The following PDS5B variants were observed in gnomAD, a reference collection of about 807,000 sequenced individuals.
PDS5B encodes sister chromatid cohesion protein PDS5 homolog B.
In PDS5B, 51 loss-of-function variants were observed where a neutral mutation model predicts 184.1. The ratio of observed to expected loss-of-function variants is 0.28; its 90% CI spans 0.22 to 0.35. The LOEUF (loss-of-function observed/expected upper bound fraction) is 0.35. Among genes scored for constraint, PDS5B ranks in the 10% least tolerant of loss-of-function variants. PDS5B has a pLI of 1.00. For synonymous variants in PDS5B, 566 were observed against 569.2 expected (o/e 0.99, Z 0.08); for missense variants, 1,180 against 1,723.3 (o/e 0.68, Z 5.58).
chr13:32,742,482 C>T (rs1953593888), intron 22 of PDS5B, 109 bp from the exon 23 acceptor site: 1 of 846,670 alleles, frequency 1.2e-6, no homozygotes, highest in Non-Finnish European at 1.8e-6. Context: ...AGAATTTTTT[C>T]TTTTCTTAAA....
At chr13:32,670,376 C>T (rs1329433197) in intron 7 of PDS5B, among the ~76,000 whole-genome samples, 1 of 152,084 alleles carries the variant, frequency 6.6e-6, no homozygotes, top group East Asian at 1.9e-4. Flanking sequence ...AACACCATGT[C>T]TGGTGAATTT....
intron 1 of PDS5B, among the ~76,000 whole-genome samples, chr13:32,592,710 GA>G (rs2057796258): frequency 6.6e-6 from 1 of 152,116 alleles, no homozygotes; most frequent in African/African-American, 2.4e-5. Flanking sequence ...TTTAAGACTT[GA>G]ACATAGGAGC....
At chr13:32,639,211 C>T (rs2140613785) in intron 1 of PDS5B, among the ~76,000 whole-genome samples, 1 of 152,218 alleles carries the variant, frequency 6.6e-6, no homozygotes, top group Non-Finnish European at 1.5e-5. Flanking sequence ...ATTCCAGGGC[C>T]TGGGGCTCCT....
At chr13:32,666,446 A>G (rs778972869) in intron 6 of PDS5B, among the ~76,000 whole-genome samples, 2 of 152,200 alleles carry the variant, frequency 1.3e-5, no homozygotes, top group Middle Eastern at 3.2e-3. Context: ...CAAAATAGCT[A>G]AAAGAGAAGA....
At chr13:32,727,868 T>A (rs1401139425) in intron 19 of PDS5B, among the ~76,000 whole-genome samples, 1 of 150,976 alleles carries the variant, frequency 6.6e-6, no homozygotes, top group Non-Finnish European at 1.5e-5. Context: ...CTTTTTTTTT[T>A]AATCTATTCT....
At chr13:32,704,762 A>G (rs1951959340) in intron 17 of PDS5B, among the ~76,000 whole-genome samples, 1 of 152,234 alleles carries the variant, frequency 6.6e-6, no homozygotes, top group Non-Finnish European at 1.5e-5. Flanking sequence ...TAATTCTTCC[A>G]TATGAGACTT....
At chr13:32,712,870 A>C (rs1952251500) in intron 19 of PDS5B, among the ~76,000 whole-genome samples, 1 of 152,226 alleles carries the variant, frequency 6.6e-6, no homozygotes, top group South Asian at 2.1e-4. Flanking sequence ...TCATGAAGGA[A>C]ATATCTTTTT....
At position 32,775,207 on chromosome 13, in the gene PDS5B, G is replaced by A; in HGVS notation, c.*155G>A. ...CTTACTTTGGTGACCCCATACATTT[G>A]TGGTCACATGCTTTAGCCATACACA... On this transcript the variant is annotated 3_prime_UTR_variant, in exon 35 of 35. Coordinates refer to ENST00000315596, the MANE Select transcript of PDS5B (RefSeq NM_015032.4). The A allele has an allele frequency of 1.6e-6, 1 of 628,210 alleles. No homozygotes were observed. Among genetic ancestry groups the A allele is most frequent in the Non-Finnish European group, 2.8e-6 (1 of 361,932 alleles). 38.9% of individuals were successfully genotyped at this position (628,210 alleles called of 1,614,324 possible). A position where few individuals can be genotyped will look rare whatever the true frequency, so the allele number is the denominator to read the frequency against.
chr13:32,752,278 A>G (rs1157963272), intron 24 of PDS5B, among the ~76,000 whole-genome samples: 1 of 152,152 alleles, frequency 6.6e-6, no homozygotes, highest in African/African-American at 2.4e-5. Flanking sequence ...TGCCTAATTT[A>G]TAAATTAAAC....
intron 21 of PDS5B, among the ~76,000 whole-genome samples, chr13:32,737,240 C>T (rs766258924): frequency 2.2e-4 from 33 of 152,124 alleles, no homozygotes; most frequent in Admixed American, 4.6e-4. Context: ...GTTAAGCTAT[C>T]GTCAGATCAC....
rs75862797 is a variant in PDS5B at position 32,674,511 on chromosome 13, A to G, written c.846+1155A>G. Among the ~76,000 whole-genome samples, 931 of 152,176 alleles carry G rather than the reference A, an allele frequency of 6.1e-3. 17 individuals carry two copies. The highest frequency in any genetic ancestry group is 0.022 in the African/African-American group (898 of 41,506). ...CACACCTCTAATTATTTGTTGGTTTATATGATTTTCTGAAGTAAAAATATT... is the reference window on the plus strand; with the variant it reads ...CACACCTCTAATTATTTGTTGGTTTGTATGATTTTCTGAAGTAAAAATATT... On this transcript the variant is annotated intron_variant, in intron 8 of 34. Coordinates refer to ENST00000315596, the MANE Select transcript of PDS5B (RefSeq NM_015032.4).
At chr13:32,630,708 C>A (rs1389331607) in intron 1 of PDS5B, among the ~76,000 whole-genome samples, 3 of 151,908 alleles carry the variant, frequency 2.0e-5, no homozygotes, top group African/African-American at 7.3e-5. Flanking sequence ...TATCATCATT[C>A]TTTTTCAGGT....
intron 7 of PDS5B, among the ~76,000 whole-genome samples, chr13:32,671,814 A>G (rs952214426): frequency 3.3e-5 from 5 of 152,244 alleles, no homozygotes; most frequent in African/African-American, 9.6e-5. Context: ...TAACTGTCAC[A>G]GAAGAGATTA....
chr13:32,643,453 G>A (rs1056520587), intron 1 of PDS5B, among the ~76,000 whole-genome samples: 1 of 152,114 alleles, frequency 6.6e-6, no homozygotes, highest in African/African-American at 2.4e-5. Context: ...ACTTAGATAT[G>A]AAAGTGTCTT....
chr13:32,691,317 A>G (rs1951543472), intron 13 of PDS5B: 2 of 152,080 alleles, frequency 1.3e-5, no homozygotes, highest in African/African-American at 4.8e-5. Flanking sequence ...CAGTCATAAT[A>G]TTATACATAG....
At chr13:32,701,177 C>T (rs1222203515) in intron 16 of PDS5B, 146 bp from the exon 17 acceptor site, 1 of 547,934 alleles carries the variant, frequency 1.8e-6, no homozygotes, top group East Asian at 3.0e-5. Flanking sequence ...TTAATTCAGT[C>T]TTTTTTTCTG....
intron 1 of PDS5B, among the ~76,000 whole-genome samples, chr13:32,603,696 A>G (rs1430267910): frequency 1.3e-5 from 2 of 152,138 alleles, no homozygotes; most frequent in African/African-American, 4.8e-5. Flanking sequence ...CGGTATGGCC[A>G]TTTTCACAGT....
At chr13:32,713,143 A>G (rs1418213898) in intron 19 of PDS5B, among the ~76,000 whole-genome samples, 1 of 152,184 alleles carries the variant, frequency 6.6e-6, no homozygotes, top group Non-Finnish European at 1.5e-5. Context: ...TACACAGAGA[A>G]AAAGGACTTA....
intron 1 of PDS5B, among the ~76,000 whole-genome samples, chr13:32,614,681 G>A (rs1420415240): frequency 1.3e-5 from 2 of 152,176 alleles, no homozygotes; most frequent in African/African-American, 4.8e-5. Flanking sequence ...ACCAGGCAAA[G>A]TAGATATTAC....
Sources: allele counts gnomAD v4.1 joint callset (sites outside exome capture counted in the v4.1 genomes callset), GRCh38; gene constraint gnomAD v4.1.1; transcripts MANE v1.5; gene names NCBI Gene and HGNC (gene_info 2026-07-23, HGNC 2026-07-21).